The following CYYR1 variants were observed in gnomAD, a reference collection of about 807,000 sequenced individuals.
The protein encoded by CYYR1 is cysteine and tyrosine-rich protein 1.
In CYYR1, 14 loss-of-function variants were observed where a neutral mutation model predicts 15.2. That is an observed-to-expected ratio of 0.92 (90% confidence interval 0.61 to 1.44). The LOEUF is 1.44. Among genes scored for constraint, CYYR1 ranks in the 40% most tolerant of loss-of-function variants. The pLI, the probability that CYYR1 is intolerant of heterozygous loss-of-function variation, is 0.00. For missense variants in CYYR1, 228 were observed against 209.5 expected (o/e 1.09, Z -0.54); for synonymous variants, 80 against 77.4 (o/e 1.03, Z -0.18).
At chr21:26,567,726 A>G (rs550004403) in intron 1 of CYYR1, among the ~76,000 whole-genome samples, 5 of 152,280 alleles carry the variant, frequency 3.3e-5, no homozygotes, top group Non-Finnish European at 1.5e-5. Context: ...AAGCTATAAC[A>G]TTAAAAATAC....
chr21:26,494,876 A>T (rs1271362343), intron 2 of CYYR1, among the ~76,000 whole-genome samples: 2 of 152,210 alleles, frequency 1.3e-5, no homozygotes, highest in African/African-American at 2.4e-5. Context: ...TTGTAAGAGT[A>T]ACGTGTTACA....
At chr21:26,512,127 G>A (rs1193629587) in intron 2 of CYYR1, among the ~76,000 whole-genome samples, 1 of 152,006 alleles carries the variant, frequency 6.6e-6, no homozygotes, top group East Asian at 1.9e-4. Context: ...TTAATAAACA[G>A]CATCAATGGA....
At chr21:26,512,925 T>C (rs2065670320) in intron 2 of CYYR1, among the ~76,000 whole-genome samples, 1 of 152,176 alleles carries the variant, frequency 6.6e-6, no homozygotes, top group African/African-American at 2.4e-5. Context: ...GTCATCAAAG[T>C]AAGTGCTTTT....
intron 2 of CYYR1, among the ~76,000 whole-genome samples, chr21:26,519,981 A>G (rs2065780697): frequency 6.6e-6 from 1 of 151,944 alleles, no homozygotes; most frequent in Non-Finnish European, 1.5e-5. Flanking sequence ...GAATCAACCC[A>G]AATGTCCATC....
intron 2 of CYYR1, among the ~76,000 whole-genome samples, chr21:26,553,848 A>G (rs900186343): frequency 1.3e-5 from 2 of 152,200 alleles, no homozygotes; most frequent in African/African-American, 2.4e-5. Context: ...TAACATGTAT[A>G]TTATGCTGGT....
chr21:26,516,332 A>C (rs1166406987), intron 2 of CYYR1, among the ~76,000 whole-genome samples: 1 of 152,224 alleles, frequency 6.6e-6, no homozygotes, highest in Non-Finnish European at 1.5e-5. Context: ...AAGCACATTA[A>C]AAAAGACTTG....
At chr21:26,556,840 G>C (rs954221500) in intron 2 of CYYR1, among the ~76,000 whole-genome samples, 2 of 152,108 alleles carry the variant, frequency 1.3e-5, no homozygotes, top group Admixed American at 1.3e-4. Context: ...CTATCAAATA[G>C]AGAAGGGATA....
At chr21:26,502,575 A>T (rs895512070) in intron 2 of CYYR1, among the ~76,000 whole-genome samples, 2 of 152,180 alleles carry the variant, frequency 1.3e-5, no homozygotes, top group African/African-American at 4.8e-5. Flanking sequence ...TAAATAAAAA[A>T]TTATTTTGGC....
chr21:26,540,496 G>T (rs1978473668), intron 2 of CYYR1, among the ~76,000 whole-genome samples: 1 of 152,182 alleles, frequency 6.6e-6, no homozygotes, highest in East Asian at 1.9e-4. Flanking sequence ...ACTATACAGG[G>T]TAGAGCATCA....
At chr21:26,477,211 T>G (rs371931047) in intron 3 of CYYR1, among the ~76,000 whole-genome samples, 41 of 152,148 alleles carry the variant, frequency 2.7e-4, no homozygotes, top group African/African-American at 9.7e-4. Context: ...AATTAATTAG[T>G]GAGGGTAAAA....
intron 2 of CYYR1, among the ~76,000 whole-genome samples, chr21:26,554,248 A>AT (rs1367074300): frequency 6.6e-6 from 1 of 152,216 alleles, no homozygotes; most frequent in Non-Finnish European, 1.5e-5. Context: ...ATTTATTGAC[A>AT]TATTGTCAAT....
intron 2 of CYYR1, among the ~76,000 whole-genome samples, chr21:26,545,860 G>GT (rs1440209132): frequency 1.3e-5 from 2 of 152,012 alleles, no homozygotes; most frequent in Admixed American, 1.3e-4. Context: ...TGAGATTACA[G>GT]TTTATTCTTA....
chr21:26,526,110 C>T (rs546035535), intron 2 of CYYR1, among the ~76,000 whole-genome samples: 11 of 152,184 alleles, frequency 7.2e-5, no homozygotes, highest in South Asian at 2.1e-4. Context: ...CAAACCCCCA[C>T]GACACAAGTT....
chr21:26,480,670 C>T (rs2065167863), intron 2 of CYYR1, among the ~76,000 whole-genome samples: 1 of 151,800 alleles, frequency 6.6e-6, no homozygotes, highest in Admixed American at 6.6e-5. Context: ...CACCGTTGAC[C>T]AATTCATCAT....
chr21:26,526,915 A>C (rs925062870), intron 2 of CYYR1, among the ~76,000 whole-genome samples: 2 of 152,258 alleles, frequency 1.3e-5, no homozygotes, highest in East Asian at 3.8e-4. Flanking sequence ...ACTTGGGAGC[A>C]CATGATGTGT....
Position 26,468,383 on chromosome 21 carries a change from C to A in CYYR1, c.*118G>T. ...CCTAGCAGGGATATTCCACCTGACA[C>A]ATTATCTGACCCCAAAAAGTATTCC... On this transcript the variant is annotated 3_prime_UTR_variant, in exon 4 of 4. Transcript: ENST00000652641. The A allele has an allele frequency of 1.3e-6, 1 of 775,872 alleles. No homozygotes were observed. Among genetic ancestry groups the A allele is most frequent in the Non-Finnish European group, 2.3e-6 (1 of 426,888 alleles). The allele number at this position is 775,872 out of a possible 1,614,324, so 48.1% of individuals were successfully genotyped here. A position where few individuals can be genotyped will look rare whatever the true frequency, so the allele number is the denominator to read the frequency against.
At chr21:26,517,256 T>C (rs944452394) in intron 2 of CYYR1, among the ~76,000 whole-genome samples, 7 of 151,836 alleles carry the variant, frequency 4.6e-5, no homozygotes, top group Non-Finnish European at 1.0e-4. Context: ...AGCTCTATAG[T>C]AGGATTAGTC....
At chr21:26,516,978 G>A (rs926778576) in intron 2 of CYYR1, among the ~76,000 whole-genome samples, 2 of 150,368 alleles carry the variant, frequency 1.3e-5, no homozygotes, top group Non-Finnish European at 3.0e-5. Context: ...AGCCGGGCGT[G>A]GTAGCGGGCG....
At chr21:26,539,304 T>C (rs1044869148) in intron 2 of CYYR1, among the ~76,000 whole-genome samples, 1 of 152,128 alleles carries the variant, frequency 6.6e-6, no homozygotes, top group Non-Finnish European at 1.5e-5. Flanking sequence ...TGTGAGCCTT[T>C]CACGAGCCAA....
Sources: allele counts gnomAD v4.1 joint callset (sites outside exome capture counted in the v4.1 genomes callset), GRCh38; gene constraint gnomAD v4.1.1; transcripts MANE v1.5; gene names NCBI Gene and HGNC (gene_info 2026-07-23, HGNC 2026-07-21).